Variants in CYB561 observed in about 807,000 individuals in gnomAD.
CYB561 encodes cytochrome b561.
A neutral mutation model predicts 25.3 loss-of-function variants in CYB561; 11 were observed. That is an observed-to-expected ratio of 0.44 (90% confidence interval 0.27 to 0.72). The LOEUF (loss-of-function observed/expected upper bound fraction) is 0.72, where lower values mean the gene tolerates loss of function less well. CYB561 is among the 30% of genes least tolerant of loss of function. The probability of loss-of-function intolerance (pLI) is 0.18; values close to 1 mark genes in which losing one functional copy is unlikely to be tolerated. For missense variants in CYB561, 295 were observed against 334.9 expected, an observed-to-expected ratio of 0.88 and a Z score of 0.93; for synonymous variants, 165 against 158.8, an observed-to-expected ratio of 1.04 and a Z score of -0.29.
Position 63,436,155 on chromosome 17 carries a change from G to A in CYB561, c.203-3C>T, listed in dbSNP as rs755777899. 17 of 1,613,284 alleles carry A rather than the reference G, an allele frequency of 1.1e-5. No individual in the cohort carries two copies. The highest frequency in any genetic ancestry group is 3.3e-5 in the Admixed American group (2 of 59,990). On this transcript the variant is annotated splice_region_variant and splice_polypyrimidine_tract_variant and intron_variant, in intron 2 of 5. Transcript: ENST00000360793. This position sits in a 1 kb window ranked among gnomAD's most constrained non-coding sequence, Gnocchi z 4.8. ...GAAGACACGGTAAACCAGCAGGGCT[G>A]TGGGAGGTGAGAGAGGGAACGTGAG...
chr17:63,438,134 G>T (rs2049334351), intron 1 of CYB561: 1 of 1,535,242 alleles, frequency 6.5e-7, no homozygotes, highest in Middle Eastern at 1.7e-4. Context: ...GGGACACGAC[G>T]CCAGGAGTTC....
At chr17:63,438,343 A>G (rs1419112096) in intron 1 of CYB561, 1 of 756,406 alleles carries the variant, frequency 1.3e-6, no homozygotes, top group East Asian at 2.8e-5. Context: ...CATGAAGTAC[A>G]TCTCGGGAGA....
Position 63,436,178 on chromosome 17 carries a change from G to T in CYB561, c.203-26C>A. The T allele has an allele frequency of 1.2e-6, 2 of 1,611,428 alleles. No homozygotes were observed. The highest frequency in any genetic ancestry group is 2.2e-5 in the South Asian group (2 of 90,930). On this transcript the variant is annotated intron_variant, in intron 2 of 5. Coordinates refer to ENST00000360793, the MANE Select transcript of CYB561 (RefSeq NM_001915.4). This position sits in a 1 kb window ranked among gnomAD's most constrained non-coding sequence, Gnocchi z 4.8. ...CTGTGGGAGGTGAGAGAGGGAACGT[G>T]AGTGCATCCGCCTGTGCGTGAGGCC...
chr17:63,436,976 A>G lies in CYB561; in HGVS notation c.202+370T>C, dbSNP rs537648207. 1.8e-4 allele frequency: 46 copies of G among 256,564 alleles called. No individual in the cohort carries two copies. The highest frequency in any genetic ancestry group is 5.8e-4 in the East Asian group (6 of 10,396). 15.9% of individuals were successfully genotyped at this position (256,564 alleles called of 1,614,324 possible). A position where few individuals can be genotyped will look rare whatever the true frequency, so the allele number is the denominator to read the frequency against. On this transcript the variant is annotated intron_variant, in intron 2 of 5. Transcript: ENST00000360793. The surrounding 1 kb of genome is among the most constrained non-coding windows in gnomAD (Gnocchi z 4.8). Reference sequence around the variant, plus strand: ...AGACCAACAACACACATGCGCGCGCACGCACGCACGCATACAAACTCTCAC... The same window carrying G: ...AGACCAACAACACACATGCGCGCGCGCGCACGCACGCATACAAACTCTCAC...
chr17:63,438,436 C>G (rs1177099885), intron 1 of CYB561: 1 of 501,944 alleles, frequency 2.0e-6, no homozygotes, highest in Non-Finnish European at 3.6e-6. Context: ...CCCAGGAGAG[C>G]CAGCCCCGCT....
In CYB561 at chr17:63,434,422, C is replaced by G; in HGVS notation, c.736G>C (p.Asp246His). The change falls in exon 6 of 6, where the codon GAT (aspartate) becomes CAT (histidine). Residue 246 changes from aspartate to histidine, a missense_variant. Coordinates refer to ENST00000360793, the MANE Select transcript of CYB561 (RefSeq NM_001915.4). ...GCGCATCACTGGGAGCCGGGGCTAT[C>G]TCCCTCCGTCAGCGTCTTGAAGTCC... ...SMDFKTLTEG[D>H]SPGSQ 6.3e-7 allele frequency: 1 copy of G among 1,580,420 alleles called. No individual in the cohort carries two copies. The highest frequency in any genetic ancestry group is 1.2e-5 in the South Asian group (1 of 86,696).
Position 63,435,371 on chromosome 17 carries a change from C to CT in CYB561, c.406-129dup, listed in dbSNP as rs1381645257. 12 of 1,015,098 alleles carry CT rather than the reference C, an allele frequency of 1.2e-5. No individual in the cohort carries two copies. The Admixed American group carries it at 1.7e-4, about 14-fold the overall frequency. 62.9% of individuals were successfully genotyped at this position (1,015,098 alleles called of 1,614,324 possible). A position where few individuals can be genotyped will look rare whatever the true frequency, so the allele number is the denominator to read the frequency against. ...CCCTCAGCCCTGCCTGGTTTCCTTC[C>CT]TCCTCAGCACAGTGGTGGGAGGAGC... On this transcript the variant is annotated intron_variant, in intron 4 of 5. Transcript: ENST00000360793.
rs980436013 is a variant in CYB561, at chr17:63,433,450, G to A, written c.*952C>T. The stretch of plus-strand genomic sequence containing the variant: ...TGGGCAGCAGATAAGGAGAAGGCTC[G>A]TCCTCCAGAACAGAGGCAGCAGCTC... On this transcript the variant is annotated 3_prime_UTR_variant, in exon 6 of 6. Transcript: ENST00000360793. 4.3e-5 allele frequency: 17 copies of A among 398,852 alleles called. No individual in the cohort carries two copies. In the Admixed American group the frequency reaches 4.8e-4, roughly 11 times the overall value. The allele number at this position is 398,852 out of a possible 1,614,324, so 24.7% of individuals were successfully genotyped here.
chr17:63,435,357 G>T, intron 4 of CYB561, 114 bp from the exon 5 acceptor site: 2 of 1,189,202 alleles, frequency 1.7e-6, no homozygotes, highest in Non-Finnish European at 2.4e-6. Flanking sequence ...CCTCAGCCCT[G>T]CCTGGTTTCC....
chr17:63,437,954 G>A, intron 1 of CYB561: 2 of 875,020 alleles, frequency 2.3e-6, no homozygotes, highest in Non-Finnish European at 3.3e-6. Flanking sequence ...GATGCGGCGC[G>A]GCTCCTCCCA....
chr17:63,435,289 C>T (rs908164957), intron 4 of CYB561, 46 bp from the exon 5 acceptor site: 2 of 1,595,322 alleles, frequency 1.3e-6, no homozygotes, highest in Non-Finnish European at 1.7e-6. Context: ...GGCCGGACAC[C>T]CCAGCAGCCG....
chr17:63,438,112 C>G (rs2147495481), intron 1 of CYB561: 1 of 1,534,616 alleles, frequency 6.5e-7, no homozygotes, highest in Admixed American at 2.0e-5. Flanking sequence ...CCCACGGGGA[C>G]AGGCGTGACC....
chr17:63,440,013 C>T (rs542638287), intron 1 of CYB561, among the ~76,000 whole-genome samples: 15 of 152,280 alleles, frequency 9.9e-5, no homozygotes, highest in Middle Eastern at 3.4e-3. Flanking sequence ...AGAAACATAG[C>T]TCCAATCCAC....
At position 63,434,311 on chromosome 17, in the gene CYB561, G is replaced by C. The variant is rs369678203; in HGVS notation, c.*91C>G. 40 of 1,239,484 alleles carry C rather than the reference G, an allele frequency of 3.2e-5. No individual in the cohort carries two copies. In the East Asian group the frequency reaches 5.1e-4, roughly 16 times the overall value. The allele number at this position is 1,239,484 out of a possible 1,614,324, so 76.8% of individuals were successfully genotyped here. ...GCACCCACGCGCCCGCCTGCTGCCAGAGCCACTCTCCGGAGCCTGCAGTCC... is the reference window on the plus strand; with the variant it reads ...GCACCCACGCGCCCGCCTGCTGCCACAGCCACTCTCCGGAGCCTGCAGTCC... On this transcript the variant is annotated 3_prime_UTR_variant, in exon 6 of 6. Transcript: ENST00000360793.
In CYB561 at chr17:63,433,201, T is replaced by G. The variant is rs2049251066; in HGVS notation, c.*1201A>C. 1 of 385,114 alleles carries G rather than the reference T, an allele frequency of 2.6e-6. No individual in the cohort carries two copies. Among genetic ancestry groups the G allele is most frequent in the South Asian group, 1.4e-4 (1 of 6,946 alleles). The allele number at this position is 385,114 out of a possible 1,614,324, so 23.9% of individuals were successfully genotyped here. A position where few individuals can be genotyped will look rare whatever the true frequency, so the allele number is the denominator to read the frequency against. On this transcript the variant is annotated 3_prime_UTR_variant, in exon 6 of 6. Coordinates refer to ENST00000360793, the MANE Select transcript of CYB561 (RefSeq NM_001915.4). ...GCGCCCACCACCACGCCTGGCTAAT[T>G]TTTTTGTATTTTTAGTAGAGACGGG...
At chr17:63,441,827 GC>G (rs998928739) in intron 1 of CYB561, among the ~76,000 whole-genome samples, 5 of 152,184 alleles carry the variant, frequency 3.3e-5, no homozygotes, top group African/African-American at 9.7e-5. Context: ...CCCGGGCGGT[GC>G]CCCCCCTCCT....
chr17:63,442,873 C>G (rs1371062716), intron 1 of CYB561: 3 of 152,278 alleles, frequency 2.0e-5, no homozygotes, highest in Non-Finnish European at 1.5e-5. Context: ...GTGCCCACTG[C>G]GTTTTATTAA....
chr17:63,441,124 G>C (rs1269001937), intron 1 of CYB561, among the ~76,000 whole-genome samples: 5 of 152,214 alleles, frequency 3.3e-5, no homozygotes, highest in Middle Eastern at 3.2e-3. Flanking sequence ...CTCTCTTCTC[G>C]CAGCGACGAC....
At position 63,434,352 on chromosome 17, in the gene CYB561, AG is replaced by A; in HGVS notation, c.*49del. ...CCTGCAGTCCTGAAGACGCCTCAGC[AG>A]GGGCAGGCAAGAAGACACCCCGCGA... On this transcript the variant is annotated 3_prime_UTR_variant, in exon 6 of 6. Coordinates refer to ENST00000360793, the MANE Select transcript of CYB561 (RefSeq NM_001915.4). 1 of 1,472,942 alleles carries A rather than the reference AG, an allele frequency of 6.8e-7. No homozygotes were observed. 91.2% of individuals were successfully genotyped at this position (1,472,942 alleles called of 1,614,324 possible). A position where few individuals can be genotyped will look rare whatever the true frequency, so the allele number is the denominator to read the frequency against.
Sources: allele counts gnomAD v4.1 joint callset (sites outside exome capture counted in the v4.1 genomes callset), GRCh38; gene constraint gnomAD v4.1.1; non-coding constraint Gnocchi (gnomAD v3.1); transcripts MANE v1.5; gene names NCBI Gene and HGNC (gene_info 2026-07-23, HGNC 2026-07-21).